FAM186B: variants seen among roughly 807,000 people sequenced by gnomAD.
FAM186B encodes the protein family with sequence similarity 186 member B, also known as protein FAM186B.
In FAM186B, 68 loss-of-function variants were observed where a neutral mutation model predicts 83.4. The ratio of observed to expected loss-of-function variants is 0.81; its 90% CI spans 0.67 to 1.00. The LOEUF (loss-of-function observed/expected upper bound fraction) is 1.00, where lower values mean the gene tolerates loss of function less well. Among genes scored for constraint, FAM186B ranks in the 50% least tolerant of loss-of-function variants. FAM186B has a pLI of 0.00. For missense variants in FAM186B, 983 were observed against 1,099.2 expected, an observed-to-expected ratio of 0.89 and a Z score of 1.49; for synonymous variants, 389 against 422.0, an observed-to-expected ratio of 0.92 and a Z score of 0.96.
At chr12:49,591,716 G>A (rs1443171169) in intron 5 of FAM186B, among the ~76,000 whole-genome samples, 1 of 152,086 alleles carries the variant, frequency 6.6e-6, no homozygotes, top group Non-Finnish European at 1.5e-5. Flanking sequence ...TGCTATCCGT[G>A]GGGTATTGGC....
At position 49,601,243 on chromosome 12, in the gene FAM186B, C is replaced by T. The variant is rs1352173883; in HGVS notation, c.506-109G>A. ...AATGGCAACCCCCTTAGGGATTTGG[C>T]GAGAGTAGGGAGCTGGGGCTGTATA... On this transcript the variant is annotated intron_variant, in intron 3 of 6. Coordinates refer to ENST00000257894, the MANE Select transcript of FAM186B (RefSeq NM_032130.3). 32 of 1,411,846 alleles carry T rather than the reference C, an allele frequency of 2.3e-5. No homozygotes were observed. The South Asian group carries it at 2.5e-4, about 11-fold the overall frequency. 87.5% of individuals were successfully genotyped at this position (1,411,846 alleles called of 1,614,324 possible). A position where few individuals can be genotyped will look rare whatever the true frequency, so the allele number is the denominator to read the frequency against.
upstream of FAM186B, among the ~76,000 whole-genome samples, chr12:49,609,135 G>T (rs1160696596): frequency 6.6e-6 from 1 of 152,194 alleles, no homozygotes; most frequent in Non-Finnish European, 1.5e-5. Flanking sequence ...CAGGACTGGG[G>T]TGGGAAAGGG....
At chr12:49,592,339 G>A (rs1939599676) in intron 5 of FAM186B, among the ~76,000 whole-genome samples, 1 of 151,916 alleles carries the variant, frequency 6.6e-6, no homozygotes, top group African/African-American at 2.4e-5. Flanking sequence ...GGGCGTGGTG[G>A]TGTGCACCTA....
downstream of FAM186B, chr12:49,584,453 A>C: frequency 4.3e-6 from 3 of 700,220 alleles, no homozygotes; most frequent in South Asian, 4.4e-5. Context: ...GTCCCTCAGA[A>C]GGTTGAGAAT....
Position 49,596,608 on chromosome 12 carries a change from T to G in FAM186B, c.2364+2147A>C, listed in dbSNP as rs553478345. 8.5e-5 allele frequency among the ~76,000 whole-genome samples: 13 copies of G among 152,292 alleles called. No individual in the cohort carries two copies. The South Asian group carries it at 2.7e-3, about 32-fold the overall frequency. ...TCACCTCACACTGCTAGAAGAACTA[T>G]TATCAAAAAGACAGGCGATAGCAAG... is the stretch of plus-strand genomic sequence containing the variant. On this transcript the variant is annotated intron_variant, in intron 5 of 6. Transcript: ENST00000257894.
At position 49,600,008 on chromosome 12, in the gene FAM186B, T is replaced by C. The variant is rs1357812576; in HGVS notation, c.1632A>G (p.Pro544=). The C allele has an allele frequency of 6.2e-7, 1 of 1,611,466 alleles. No homozygotes were observed. The highest frequency in any genetic ancestry group is 1.7e-5 in the Admixed American group (1 of 59,826). The change falls in exon 4 of 7, where the codon CCA becomes CCG. Residue 544 remains proline (P), a synonymous_variant. Coordinates refer to ENST00000257894, the MANE Select transcript of FAM186B (RefSeq NM_032130.3). This position sits in a 1 kb window ranked among gnomAD's most constrained non-coding sequence, Gnocchi z 4.3. ...WVQLEKEQES[P]RREPEQLGED... is the part of the protein sequence containing the mutation. ...CCCCTAGCTGCTCTGGCTCTCTCCGTGGGCTCTCCTGCTCCTTTTCTAGCT... is the reference window on the plus strand; with the variant it reads ...CCCCTAGCTGCTCTGGCTCTCTCCGCGGGCTCTCCTGCTCCTTTTCTAGCT...
chr12:49,619,529 GC>G, the FAM186B span: 1 of 702,158 alleles, frequency 1.4e-6, no homozygotes. Flanking sequence ...GTGTGTGGCA[GC>G]CCAAGGCTTT....
At chr12:49,622,599 A>G in the FAM186B span, 1 of 152,262 alleles carries the variant, frequency 6.6e-6, no homozygotes, top group Admixed American at 6.5e-5. Flanking sequence ...TCTCTACAGC[A>G]GCCCACAAGG....
intron 2 of FAM186B, among the ~76,000 whole-genome samples, 186 bp from the exon 3 acceptor site, chr12:49,603,553 G>C (rs900192583): frequency 6.6e-6 from 1 of 152,184 alleles, no homozygotes; most frequent in African/African-American, 2.4e-5. Flanking sequence ...AAAGAACTGC[G>C]TGAAGATTAA....
rs1191144932 is a variant in FAM186B, at chr12:49,600,377, T to C, written c.1263A>G (p.Val421=). Residue 421 remains valine (V), a synonymous_variant, in exon 4 of 7, where the codon GTA becomes GTG. Coordinates refer to ENST00000257894, the MANE Select transcript of FAM186B (RefSeq NM_032130.3). This position sits in a 1 kb window ranked among gnomAD's most constrained non-coding sequence, Gnocchi z 4.3. The part of the protein sequence containing the change: ...ESLEPVLLPL[V]DRRFPKKWER... ...CCCATTTCTTAGGAAACCTGCGATC[T>C]ACTAAGGGTAAAAGCACAGGCTCAA... 1 of 1,614,206 alleles carries C rather than the reference T, an allele frequency of 6.2e-7. No homozygotes were observed. Among genetic ancestry groups the C allele is most frequent in the Non-Finnish European group, 8.5e-7 (1 of 1,180,036 alleles).
chr12:49,586,313 C>T (rs1442293586), downstream of FAM186B, among the ~76,000 whole-genome samples: 2 of 152,116 alleles, frequency 1.3e-5, no homozygotes, highest in Admixed American at 6.5e-5. Context: ...ACCAGAGAGG[C>T]GGGGAAAGAG....
At chr12:49,591,691 T>G (rs1235203582) in intron 5 of FAM186B, among the ~76,000 whole-genome samples, 2 of 152,146 alleles carry the variant, frequency 1.3e-5, no homozygotes, top group Non-Finnish European at 1.5e-5. Flanking sequence ...GTAATAACAA[T>G]GTACAGTTGT....
chr12:49,619,158 C>T, the FAM186B span, among the ~76,000 whole-genome samples: 45 of 152,272 alleles, frequency 3.0e-4, no homozygotes, highest in African/African-American at 1.0e-3. Flanking sequence ...ACAGCAAAAA[C>T]GCAAAGTTCC....
At chr12:49,617,119 A>C in the FAM186B span, among the ~76,000 whole-genome samples, 1 of 152,146 alleles carries the variant, frequency 6.6e-6, no homozygotes, top group Non-Finnish European at 1.5e-5. Flanking sequence ...CACCTTCACC[A>C]CAGTTCAAAG....
chr12:49,612,513 A>T, the FAM186B span, among the ~76,000 whole-genome samples: 1 of 151,766 alleles, frequency 6.6e-6, no homozygotes, highest in South Asian at 2.1e-4. Context: ...GCCTTAAAAC[A>T]TTATGAGGTT....
chr12:49,605,585 T>C lies in FAM186B; in HGVS notation c.-108A>G, dbSNP rs531448665. 6 of 1,215,936 alleles carry C rather than the reference T, an allele frequency of 4.9e-6. No individual in the cohort carries two copies. In the South Asian group the frequency reaches 9.1e-5, roughly 18 times the overall value. The allele number at this position is 1,215,936 out of a possible 1,614,324, so 75.3% of individuals were successfully genotyped here. A position where few individuals can be genotyped will look rare whatever the true frequency, so the allele number is the denominator to read the frequency against. Reference sequence around the variant, plus strand: ...TAAGGGCACCAGGGTGTCTCCTGGGTACCCTCTGCCCAGGCACAGCTCCTC... The same window carrying C: ...TAAGGGCACCAGGGTGTCTCCTGGGCACCCTCTGCCCAGGCACAGCTCCTC... On this transcript the variant is annotated 5_prime_UTR_variant, in exon 1 of 7. Transcript: ENST00000257894.
intron 5 of FAM186B, among the ~76,000 whole-genome samples, chr12:49,597,663 A>T (rs1453961182): frequency 1.3e-5 from 2 of 152,192 alleles, no homozygotes; most frequent in African/African-American, 4.8e-5. Context: ...TGGATATGTT[A>T]ATTTGTTTTA....
upstream of FAM186B, among the ~76,000 whole-genome samples, chr12:49,608,539 A>T (rs2138320506): frequency 1.3e-5 from 2 of 151,226 alleles, no homozygotes; most frequent in African/African-American, 2.4e-5. Flanking sequence ...AAGATGGCAG[A>T]TTTGGGGCTG....
chr12:49,598,263 C>G (rs1939772975), intron 5 of FAM186B, among the ~76,000 whole-genome samples: 1 of 152,056 alleles, frequency 6.6e-6, no homozygotes. Flanking sequence ...AGGAAGTGAA[C>G]AAAGGAAGAA....
Sources: gnomAD v4.1 joint callset for allele counts (sites outside exome capture counted in the v4.1 genomes callset) on GRCh38, gnomAD v4.1.1 for gene constraint, Gnocchi (gnomAD v3.1) non-coding constraint, MANE v1.5 for transcripts, NCBI Gene and HGNC (gene_info 2026-07-23, HGNC 2026-07-21) for gene names.